The following FRMPD4 variants were observed in gnomAD, a reference collection of about 807,000 sequenced individuals.
The protein encoded by FRMPD4 is FERM and PDZ domain containing 4.
FRMPD4 carries 22 observed loss-of-function variants against 94.1 expected under a neutral mutation model. The ratio of observed to expected loss-of-function variants is 0.23; its 90% CI spans 0.17 to 0.33. FRMPD4 has a LOEUF of 0.33. Ranked by LOEUF, FRMPD4 falls within the 10% of genes least tolerant of loss-of-function variation. The probability of loss-of-function intolerance (pLI) is 1.00; values close to 1 mark genes in which losing one functional copy is unlikely to be tolerated. For missense variants in FRMPD4, 1,111 were observed against 1,339.9 expected (o/e 0.83, Z 2.67); for synonymous variants, 631 against 548.6 (o/e 1.15, Z -2.10).
chrX:12,537,653 T>C (rs1232981757), intron 2 of FRMPD4, among the ~76,000 whole-genome samples: 1 of 108,133 alleles, frequency 9.2e-6, no homozygotes, highest in Non-Finnish European at 1.9e-5. Context: ...GGTATCACCA[T>C]GTTGCCCAGG....
chrX:12,472,085 G>T (rs1393500458), intron 1 of FRMPD4, among the ~76,000 whole-genome samples: 1 of 112,281 alleles, frequency 8.9e-6, no homozygotes, highest in Non-Finnish European at 1.9e-5. Flanking sequence ...ATTAGGTAAT[G>T]AAAAATTAAG....
At chrX:12,066,871 G>GTT (rs201251837) in intron 3 of FRMPD4, among the ~76,000 whole-genome samples, 1 of 100,073 alleles carries the variant, frequency 1.0e-5, no homozygotes, top group Non-Finnish European at 2.0e-5. Context: ...TTTTGTTTTT[G>GTT]TTTTTGTTTT....
chrX:12,263,577 C>T (rs998822976), intron 1 of FRMPD4, among the ~76,000 whole-genome samples: 5 of 111,166 alleles, frequency 4.5e-5, no homozygotes, highest in African/African-American at 6.5e-5. Context: ...AGAAGGGAAG[C>T]GGCAGGGAAA....
intron 1 of FRMPD4, among the ~76,000 whole-genome samples, chrX:12,376,633 G>A (rs1183227659): frequency 9.1e-6 from 1 of 110,106 alleles, no homozygotes; most frequent in African/African-American, 3.5e-5. Flanking sequence ...GTGTGTGGGT[G>A]CACGTGCATG....
upstream of FRMPD4, among the ~76,000 whole-genome samples, chrX:12,133,821 C>G (rs186997787): frequency 1.5e-3 from 171 of 111,586 alleles, no homozygotes; most frequent in African/African-American, 5.2e-3. Flanking sequence ...TCACTTCCCT[C>G]AAGAGTGGTC....
In FRMPD4 at chrX:12,414,964, T is replaced by C. The variant is rs965311324; in HGVS notation, c.42-83716T>C. On this transcript the variant is annotated intron_variant, in intron 1 of 16. Transcript: ENST00000675598. ...GTAGAGTTTTTCTTTTGTGGAAGGA[T>C]GGGAGCTGATCATCTTTTTGGTGGT... 2.7e-5 allele frequency among the ~76,000 whole-genome samples: 3 copies of C among 111,404 alleles called. No individual in the cohort carries two copies. In the Admixed American group the frequency reaches 2.9e-4, roughly 11 times the overall value.
At chrX:12,560,491 A>C (rs867735462) in intron 2 of FRMPD4, among the ~76,000 whole-genome samples, 1 of 100,704 alleles carries the variant, frequency 9.9e-6, no homozygotes, top group Non-Finnish European at 2.0e-5. Context: ...AAAAAAAAAA[A>C]AAAAAAACCC....
chrX:12,139,551 T>TGGGGG (rs368733965), intron 1 of FRMPD4, among the ~76,000 whole-genome samples: 6 of 81,659 alleles, frequency 7.3e-5, no homozygotes, highest in African/African-American at 2.3e-4. Context: ...TTTTTTTTTT[T>TGGGGG]GGGGGGGGGG....
chrX:12,628,856 T>A (rs770765254), intron 4 of FRMPD4, among the ~76,000 whole-genome samples: 3 of 112,681 alleles, frequency 2.7e-5, no homozygotes, highest in African/African-American at 9.7e-5. Flanking sequence ...TACCTGAGAC[T>A]GGGCAGTTTA....
chrX:11,843,164 T>C (rs1468882645), intron 1 of FRMPD4, among the ~76,000 whole-genome samples: 1 of 112,079 alleles, frequency 8.9e-6, no homozygotes, highest in Non-Finnish European at 1.9e-5. Flanking sequence ...TTGGCTATCT[T>C]GTATAATCCT....
chrX:12,570,329 T>C (rs944192531), intron 2 of FRMPD4, among the ~76,000 whole-genome samples: 2 of 104,210 alleles, frequency 1.9e-5, no homozygotes, highest in Admixed American at 2.0e-4. Flanking sequence ...ATTTTATTTT[T>C]CTGAGATGGA....
rs181675909 is a variant in FRMPD4, at chrX:11,957,593, A to T, written c.95+79575A>T. Among the ~76,000 whole-genome samples, 584 of 112,076 alleles carry T rather than the reference A, an allele frequency of 5.2e-3. 4 individuals carry two copies. Among genetic ancestry groups the T allele is most frequent in the Non-Finnish European group, 7.5e-3 (398 of 53,254 alleles). On this transcript the variant is annotated intron_variant, in intron 3 of 18. Transcript: ENST00000640291. ...ACCACTGATTTATATGGAGTAAAAC[A>T]TATTGAAACTAACTTATAAGTGGAC...
chrX:12,430,879 T>G (rs1206175458), intron 1 of FRMPD4, among the ~76,000 whole-genome samples: 1 of 112,355 alleles, frequency 8.9e-6, no homozygotes, highest in African/African-American at 3.2e-5. Context: ...ATTTTTGGGG[T>G]GAAAAATATT....
rs112563268 is a variant in FRMPD4 at position 12,197,734 on chromosome X, A to AT, written c.41+58728dup. ...ACATTTAAAATCATATTTCTTCCTTATTTTTTAACAATTTGTAAATCTAGC... is the reference window on the plus strand; with the variant it reads ...ACATTTAAAATCATATTTCTTCCTTATTTTTTTAACAATTTGTAAATCTAGC... On this transcript the variant is annotated intron_variant, in intron 1 of 16. Transcript: ENST00000675598. Among the ~76,000 whole-genome samples the AT allele has an allele frequency of 7.8e-3, 874 of 111,941 alleles. 6 individuals are homozygous for AT. The highest frequency in any genetic ancestry group is 0.027 in the African/African-American group (822 of 30,870).
intron 3 of FRMPD4, among the ~76,000 whole-genome samples, chrX:11,990,331 T>C (rs1389780847): frequency 8.9e-6 from 1 of 112,133 alleles, no homozygotes; most frequent in East Asian, 2.8e-4. Context: ...GACTGCTCAG[T>C]GGGTACATCC....
At chrX:12,385,500 A>C (rs2056384692) in intron 1 of FRMPD4, among the ~76,000 whole-genome samples, 1 of 112,415 alleles carries the variant, frequency 8.9e-6, no homozygotes, top group African/African-American at 3.2e-5. Context: ...GGACAAGGTC[A>C]GTCCTTCAGT....
intron 1 of FRMPD4, among the ~76,000 whole-genome samples, chrX:12,436,218 C>T (rs755192765): frequency 4.5e-5 from 5 of 111,030 alleles, no homozygotes; most frequent in East Asian, 2.8e-4. Flanking sequence ...TTGGCCTGAG[C>T]GGTCTCAAAC....
At chrX:12,474,928 T>C (rs1309591228) in intron 1 of FRMPD4, among the ~76,000 whole-genome samples, 1 of 111,243 alleles carries the variant, frequency 9.0e-6, no homozygotes, top group Non-Finnish European at 1.9e-5. Flanking sequence ...TTCCAATCAA[T>C]AGAAAAAGAG....
At chrX:12,690,065 T>G in intron 7 of FRMPD4, 130 bp from the exon 8 acceptor site, 1 of 464,960 alleles carries the variant, frequency 2.2e-6, no homozygotes, top group Non-Finnish European at 3.6e-6. Context: ...AGCATTAAAT[T>G]TCAGAATCAA....
Sources: gnomAD v4.1 joint callset for allele counts (sites outside exome capture counted in the v4.1 genomes callset) on GRCh38, gnomAD v4.1.1 for gene constraint, MANE v1.5 for transcripts, NCBI Gene and HGNC (gene_info 2026-07-23, HGNC 2026-07-21) for gene names.